SPEG: variants seen among roughly 807,000 people sequenced by gnomAD.
SPEG encodes the protein striated muscle preferentially expressed protein kinase.
SPEG carries 114 observed loss-of-function variants against 300.4 expected under a neutral mutation model. The ratio of observed to expected loss-of-function variants is 0.38; its 90% confidence interval spans 0.33 to 0.44. The LOEUF is 0.44. Ranked by LOEUF, SPEG falls within the 20% of genes least tolerant of loss-of-function variation. The pLI is 1.00. For missense variants in SPEG, 4,201 were observed against 4,586.2 expected, an observed-to-expected ratio of 0.92 and a Z score of 2.43; for synonymous variants, 1,964 against 2,018.9, an observed-to-expected ratio of 0.97 and a Z score of 0.73.
Position 219,448,476 on chromosome 2 carries a change from A to C in SPEG, c.1318A>C (p.Lys440Gln). ...CAAGGCCCGCTCTCTGGAGCAGCCC[A>C]AGTCGGAGCGCGGCGCACCGTGGGG... is the stretch of plus-strand genomic sequence containing the variant. ...LRKARSLEQP[K>Q]SERGAPWGTP... is the part of the protein sequence containing the mutation. Residue 440 changes from lysine (K) to glutamine (Q), a missense_variant, in exon 4 of 41, where the codon AAG becomes CAG. Transcript: ENST00000312358. 6.8e-7 allele frequency: 1 copy of C among 1,476,008 alleles called. No homozygotes were observed. The highest frequency in any genetic ancestry group is 1.3e-5 in the South Asian group (1 of 76,952). 91.4% of individuals were successfully genotyped at this position (1,476,008 alleles called of 1,614,324 possible). A position where few individuals can be genotyped will look rare whatever the true frequency, so the allele number is the denominator to read the frequency against.
intron 8 of SPEG, among the ~76,000 whole-genome samples, chr2:219,463,392 ATTTTTTTTTT>A (rs71040459): frequency 0.011 from 257 of 23,866 alleles, 1 homozygote; most frequent in African/African-American, 0.013. Flanking sequence ...CCCCACTGTG[ATTTTTTTTTT>A]TTTTTTTTTT....
At chr2:219,491,671 T>G in intron 38 of SPEG, 123 bp from the exon 39 acceptor site, 1 of 771,482 alleles carries the variant, frequency 1.3e-6, no homozygotes, top group Non-Finnish European at 2.2e-6. Flanking sequence ...CCTGCCACTC[T>G]GGACATTCCC....
At chr2:219,442,116 G>T in intron 1 of SPEG, 1 of 1,173,272 alleles carries the variant, frequency 8.5e-7, no homozygotes, top group Non-Finnish European at 1.1e-6. Flanking sequence ...GCGCCGGGAG[G>T]GGGCAGGGAG....
intron 18 of SPEG, among the ~76,000 whole-genome samples, chr2:219,474,844 A>G (rs1160003895): frequency 1.5e-5 from 2 of 136,372 alleles, no homozygotes; most frequent in African/African-American, 5.5e-5. Flanking sequence ...TGTCACCCAC[A>G]CCATCTCGGC....
chr2:219,451,671 C>T lies in SPEG; in HGVS notation c.2304C>T (p.Leu768=). ...DGSALRSEGR[L]LLRAEGERHT... is the part of the protein sequence containing the mutation. ...CAGCGCTGCGCAGCGAGGGCCGCCTCCTCCTCCGGGCTGAGGGTGAGCGGC... is the reference window on the plus strand; with the variant it reads ...CAGCGCTGCGCAGCGAGGGCCGCCTTCTCCTCCGGGCTGAGGGTGAGCGGC... Residue 768 remains leucine (L), a synonymous_variant, in exon 6 of 41, where the codon CTC becomes CTT. Coordinates refer to ENST00000312358, the MANE Select transcript of SPEG (RefSeq NM_005876.5). This position sits in a 1 kb window ranked among gnomAD's most constrained non-coding sequence, Gnocchi z 6.4. 2 of 1,587,578 alleles carry T rather than the reference C, an allele frequency of 1.3e-6. No individual in the cohort carries two copies. The highest frequency in any genetic ancestry group is 1.7e-6 in the Non-Finnish European group (2 of 1,168,864).
chr2:219,478,010 G>A lies in SPEG; in HGVS notation c.4932G>A (p.Arg1644=), dbSNP rs1559410418. 6.2e-7 allele frequency: 1 copy of A among 1,614,206 alleles called. No individual in the cohort carries two copies. Among genetic ancestry groups the A allele is most frequent in the Admixed American group, 1.7e-5 (1 of 60,034 alleles). ...CCAAGCCAAAGGCATCAGCGCGTCG[G>A]GAGGCCCGGCTGCTGGCCAGGCTCC... is the stretch of plus-strand genomic sequence containing the variant. ...SQAKPKASAR[R]EARLLARLQH... is the part of the protein sequence containing the mutation. The change falls in exon 22 of 41, where the codon CGG becomes CGA. Residue 1644 remains arginine, a synonymous_variant. Coordinates refer to ENST00000312358, the MANE Select transcript of SPEG (RefSeq NM_005876.5).
chr2:219,488,211 C>T lies in SPEG; in HGVS notation c.7759C>T (p.His2587Tyr), dbSNP rs1310923041. 6.2e-7 allele frequency: 1 copy of T among 1,612,930 alleles called. No individual in the cohort carries two copies. Among genetic ancestry groups the T allele is most frequent in the Non-Finnish European group, 8.5e-7 (1 of 1,179,370 alleles). ...RSESDFPPVF[H>Y]IKLKDQVLLE... ...TCCTCCAGACTTCCCCCCAGTCTTC[C>T]ACATCAAACTCAAGGACCAGGTGCT... Residue 2587 changes from histidine to tyrosine, a missense_variant, in exon 32 of 41, where the codon CAC becomes TAC. Transcript: ENST00000312358.
Position 219,483,605 on chromosome 2 carries a change from C to T in SPEG, c.6142C>T (p.Pro2048Ser). ...GCTGCCGCAGCGCCGGAGCCCCAGC[C>T]CGGGAGCCACCCGCCTGGCCCGGGG... The part of the protein sequence containing the change: ...VELPQRRSPS[P>S]GATRLARGGL... The change falls in exon 30 of 41, where the codon CCG becomes TCG. Residue 2048 changes from proline to serine, a missense_variant. Physicochemically the swap from Pro to Ser is moderately conservative, Grantham distance 74. Around this residue, in one of 4 missense-constraint regions of SPEG, gnomAD observed 1,578 missense variants for 1,506.0 expected, o/e 1.05. Coordinates refer to ENST00000312358, the MANE Select transcript of SPEG (RefSeq NM_005876.5). The T allele has an allele frequency of 3.3e-6, 5 of 1,501,412 alleles. No individual in the cohort carries two copies. Among genetic ancestry groups the T allele is most frequent in the Non-Finnish European group, 4.4e-6 (5 of 1,133,954 alleles). The allele number at this position is 1,501,412 out of a possible 1,614,324, so 93.0% of individuals were successfully genotyped here. A position where few individuals can be genotyped will look rare whatever the true frequency, so the allele number is the denominator to read the frequency against.
chr2:219,435,121 C>T lies in SPEG; in HGVS notation c.144C>T (p.Pro48=), dbSNP rs1289487076. The T allele has an allele frequency of 4.1e-6, 6 of 1,457,262 alleles. No individual in the cohort carries two copies. Among genetic ancestry groups the T allele is most frequent in the Non-Finnish European group, 5.4e-6 (6 of 1,115,578 alleles). 90.3% of individuals were successfully genotyped at this position (1,457,262 alleles called of 1,614,324 possible). The change falls in exon 1 of 41, where the codon CCC becomes CCT. Residue 48 remains proline, a synonymous_variant. Transcript: ENST00000312358. Reference sequence around the variant, plus strand: ...CCGGGGCGCCAGTCTTCCTGCGGCCCCTGAAGAACGCGGCGGTGTGCGCGG... The same window carrying T: ...CCGGGGCGCCAGTCTTCCTGCGGCCTCTGAAGAACGCGGCGGTGTGCGCGG... ...AVAGAPVFLR[P]LKNAAVCAGS...
rs1693797611 is a variant in SPEG at position 219,489,803 on chromosome 2, G to A, written c.8785G>A (p.Val2929Met). ...CCCTCCTGAGCCTACCAAGGTGACTGTGCAGAGCCTCAGCCCGGCCAAGGA... is the reference window on the plus strand; with the variant it reads ...CCCTCCTGAGCCTACCAAGGTGACTATGCAGAGCCTCAGCCCGGCCAAGGA... ...EPPPEPTKVT[V>M]QSLSPAKEVV... Residue 2929 changes from valine (V) to methionine (M), a missense_variant, in exon 36 of 41, where the codon GTG (valine) becomes ATG (methionine). Physicochemically the swap from Val to Met is conservative, Grantham distance 21. Transcript: ENST00000312358. 1.9e-6 allele frequency: 3 copies of A among 1,613,664 alleles called. No homozygotes were observed. Among genetic ancestry groups the A allele is most frequent in the Non-Finnish European group, 2.5e-6 (3 of 1,179,956 alleles).
At position 219,481,537 on chromosome 2, in the gene SPEG, C is replaced by T. The variant is rs922602914; in HGVS notation, c.5522+81C>T. ...CTGCTACTCCCAAACTCCTGCCCCT[C>T]GACATGCAAGCCCCCAACTCCTTAG... On this transcript the variant is annotated intron_variant, in intron 27 of 40. Transcript: ENST00000312358. This position sits in a 1 kb window ranked among gnomAD's most constrained non-coding sequence, Gnocchi z 5.4. 36 of 1,604,194 alleles carry T rather than the reference C, an allele frequency of 2.2e-5. No individual in the cohort carries two copies. Among genetic ancestry groups the T allele is most frequent in the East Asian group, 4.5e-5 (2 of 44,692 alleles).
In SPEG at chr2:219,435,381, G is replaced by A; in HGVS notation, c.388+16G>A. 1 of 1,526,874 alleles carries A rather than the reference G, an allele frequency of 6.5e-7. No homozygotes were observed. Among genetic ancestry groups the A allele is most frequent in the Non-Finnish European group, 8.7e-7 (1 of 1,144,782 alleles). 94.6% of individuals were successfully genotyped at this position (1,526,874 alleles called of 1,614,324 possible). On this transcript the variant is annotated intron_variant, in intron 1 of 40. Transcript: ENST00000312358. ...GAGGTCGGAGGTAAAGGGCAGGTGG[G>A]GGCCGCGCCCGGCAGGGGCGGGGTG...
In SPEG at chr2:219,472,890, A is replaced by C; in HGVS notation, c.3941A>C (p.Asp1314Ala). 1 of 1,577,810 alleles carries C rather than the reference A, an allele frequency of 6.3e-7. No homozygotes were observed. Among genetic ancestry groups the C allele is most frequent in the East Asian group, 2.3e-5 (1 of 44,242 alleles). The change falls in exon 16 of 41, where the codon GAC becomes GCC. Residue 1314 changes from aspartate to alanine, a missense_variant and splice_region_variant. Asp to Ala is a moderately radical substitution (Grantham distance 126). Coordinates refer to ENST00000312358, the MANE Select transcript of SPEG (RefSeq NM_005876.5). ...CCTCTAGTAGCTCCTCTCCCGCCAG[A>C]CCCGGACTCCCTGACGTACACAGTG... is the stretch of plus-strand genomic sequence containing the variant. Reference protein sequence around the residue: ...NPPRSLDMAIDPDSLTYTVQH... With the variant: ...NPPRSLDMAIAPDSLTYTVQH...
At position 219,435,244 on chromosome 2, in the gene SPEG, G is replaced by C. The variant is rs1406007317; in HGVS notation, c.267G>C (p.Glu89Asp). The C allele has an allele frequency of 6.1e-6, 9 of 1,482,444 alleles. No individual in the cohort carries two copies. The East Asian group carries it at 2.5e-4, about 42-fold the overall frequency. The allele number at this position is 1,482,444 out of a possible 1,614,324, so 91.8% of individuals were successfully genotyped here. A position where few individuals can be genotyped will look rare whatever the true frequency, so the allele number is the denominator to read the frequency against. The stretch of plus-strand genomic sequence containing the variant: ...AGCTCCTGCCCGCGCCGGCCCCCGA[G>C]CCCAGCTGCCTGTGGCTGCGGCGCT... The part of the protein sequence containing the change: ...DGQLLPAPAP[E>D]PSCLWLRRCG... The change falls in exon 1 of 41, where the codon GAG becomes GAC. Residue 89 changes from glutamate (E) to aspartate (D), a missense_variant. Around this residue, in one of 4 missense-constraint regions of SPEG, gnomAD observed 1,258 missense variants for 1,293.9 expected, o/e 0.97. Coordinates refer to ENST00000312358, the MANE Select transcript of SPEG (RefSeq NM_005876.5).
chr2:219,466,238 A>G lies in SPEG; in HGVS notation c.2882-936A>G, dbSNP rs915726469. On this transcript the variant is annotated intron_variant, in intron 9 of 40. Transcript: ENST00000312358. ...CATGCAGCCCCCAGGGGGATAGCCC[A>G]TGGGCCCCTGTGGACCCTCCCTCCC... is the stretch of plus-strand genomic sequence containing the variant. The G allele has an allele frequency of 7.0e-6, 10 of 1,438,766 alleles. No homozygotes were observed. The African/African-American group carries it at 8.6e-5, about 12-fold the overall frequency. 89.1% of individuals were successfully genotyped at this position (1,438,766 alleles called of 1,614,324 possible).
chr2:219,477,616 G>T lies in SPEG; in HGVS notation c.4730-73G>T. 7.1e-7 allele frequency: 1 copy of T among 1,414,552 alleles called. No homozygotes were observed. Among genetic ancestry groups the T allele is most frequent in the Non-Finnish European group, 9.7e-7 (1 of 1,035,154 alleles). 87.6% of individuals were successfully genotyped at this position (1,414,552 alleles called of 1,614,324 possible). A position where few individuals can be genotyped will look rare whatever the true frequency, so the allele number is the denominator to read the frequency against. ...TGCACCTCTTCTCTCTTCTTCTTCTGTCCACCTGTCCCAGTCTCTGGCCTG... is the reference window on the plus strand; with the variant it reads ...TGCACCTCTTCTCTCTTCTTCTTCTTTCCACCTGTCCCAGTCTCTGGCCTG... On this transcript the variant is annotated intron_variant, in intron 20 of 40. Transcript: ENST00000312358. This position sits in a 1 kb window ranked among gnomAD's most constrained non-coding sequence, Gnocchi z 6.4.
intron 6 of SPEG, chr2:219,460,785 C>A: frequency 1.0e-6 from 1 of 986,268 alleles, no homozygotes; most frequent in Non-Finnish European, 1.2e-6. Context: ...CCTTCCCCTC[C>A]TCAGGCGCCT....
rs111767305 is a variant in SPEG, at chr2:219,485,460, A to G, written c.7724A>G (p.Tyr2575Cys). The G allele has an allele frequency of 1.3e-6, 2 of 1,594,456 alleles. No individual in the cohort carries two copies. The highest frequency in any genetic ancestry group is 3.5e-5 in the Admixed American group (2 of 57,692). The change falls in exon 31 of 41, where the codon TAC (tyrosine) becomes TGC (cysteine). Residue 2575 changes from tyrosine to cysteine, a missense_variant. Around this residue, in one of 4 missense-constraint regions of SPEG, gnomAD observed 1,578 missense variants for 1,506.0 expected, o/e 1.05. Coordinates refer to ENST00000312358, the MANE Select transcript of SPEG (RefSeq NM_005876.5). ...ASVQEELGHQYVRSESDFPPV... is the reference protein window; with the variant it reads ...ASVQEELGHQCVRSESDFPPV... ...GTCCAGGAGGAGTTGGGTCACCAGT[A>G]CGTGCGCAGTGAGTCAGGTAATAAG...
intron 31 of SPEG, among the ~76,000 whole-genome samples, chr2:219,486,606 TC>T: frequency 6.6e-6 from 1 of 152,130 alleles, no homozygotes; most frequent in Non-Finnish European, 1.5e-5. Flanking sequence ...GGGGCCTCCC[TC>T]CCGGCCCAGT....
Sources: allele counts gnomAD v4.1 joint callset (sites outside exome capture counted in the v4.1 genomes callset), GRCh38; gene constraint gnomAD v4.1.1; regional missense constraint gnomAD v4.1.1; non-coding constraint Gnocchi (gnomAD v3.1); transcripts MANE v1.5; gene names NCBI Gene and HGNC (gene_info 2026-07-23, HGNC 2026-07-21).